The following PCDH15 variants were observed in gnomAD, a reference collection of about 807,000 sequenced individuals.
PCDH15 encodes the protein protocadherin related 15.
PCDH15 carries 129 observed loss-of-function variants against 178.5 expected under a neutral mutation model. That is an observed-to-expected ratio of 0.72 (90% CI 0.63 to 0.84). PCDH15 has a LOEUF of 0.84. PCDH15 is among the 40% of genes least tolerant of loss of function. PCDH15 has a pLI of 0.00. For missense variants in PCDH15, 2,230 were observed against 2,099.9 expected (o/e 1.06, Z -1.21); for synonymous variants, 800 against 732.0 (o/e 1.09, Z -1.50).
chr10:54,117,944 C>A (rs1031248040), intron 15 of PCDH15, among the ~76,000 whole-genome samples: 1 of 152,126 alleles, frequency 6.6e-6, no homozygotes, highest in East Asian at 1.9e-4. Flanking sequence ...AAAAGCAGCA[C>A]CCTAAATTCT....
chr10:54,875,928 T>A (rs1260257182), intron 3 of PCDH15, among the ~76,000 whole-genome samples: 1 of 152,078 alleles, frequency 6.6e-6, no homozygotes, highest in Non-Finnish European at 1.5e-5. Flanking sequence ...CTAAACAAAT[T>A]TTCAATGTAG....
chr10:54,539,172 A>C (rs2084914714), intron 2 of PCDH15, among the ~76,000 whole-genome samples: 1 of 152,146 alleles, frequency 6.6e-6, no homozygotes, highest in Non-Finnish European at 1.5e-5. Flanking sequence ...AGCCCTACTT[A>C]AAAGGCACAG....
At chr10:55,368,940 CA>C (rs1427271751) in intron 2 of PCDH15, among the ~76,000 whole-genome samples, 2 of 129,698 alleles carry the variant, frequency 1.5e-5, no homozygotes, top group Non-Finnish European at 3.2e-5. Flanking sequence ...TTATAATAAC[CA>C]AAGTGTCTTT....
At chr10:54,134,932 T>C (rs2042774309) in intron 14 of PCDH15, among the ~76,000 whole-genome samples, 1 of 151,406 alleles carries the variant, frequency 6.6e-6, no homozygotes, top group South Asian at 2.1e-4. Context: ...CATGGTTGGG[T>C]GCGGTGGCTC....
chr10:55,298,575 G>A (rs1843192919), intron 1 of PCDH15, among the ~76,000 whole-genome samples: 1 of 152,012 alleles, frequency 6.6e-6, no homozygotes, highest in Non-Finnish European at 1.5e-5. Flanking sequence ...CAACTGGATA[G>A]TGTCGACTTA....
At chr10:54,435,294 C>A (rs2075308448) in intron 3 of PCDH15, among the ~76,000 whole-genome samples, 1 of 152,134 alleles carries the variant, frequency 6.6e-6, no homozygotes, top group Non-Finnish European at 1.5e-5. Flanking sequence ...AATTTTCTCT[C>A]TCCACTTTTC....
chr10:55,273,562 A>G (rs1163799105), intron 1 of PCDH15, among the ~76,000 whole-genome samples: 1 of 152,068 alleles, frequency 6.6e-6, no homozygotes, highest in African/African-American at 2.4e-5. Context: ...TGTGTGACTG[A>G]TGTATGTTAA....
chr10:54,652,306 G>C (rs1408697781), intron 2 of PCDH15, among the ~76,000 whole-genome samples: 1 of 152,148 alleles, frequency 6.6e-6, no homozygotes, highest in African/African-American at 2.4e-5. Flanking sequence ...TGGAGTCTCA[G>C]AGGCTTGCAT....
At chr10:54,799,602 G>T (rs1178096553) in intron 1 of PCDH15, among the ~76,000 whole-genome samples, 1 of 152,042 alleles carries the variant, frequency 6.6e-6, no homozygotes, top group Non-Finnish European at 1.5e-5. Context: ...AATTTGGGGG[G>T]CAAAGTTGTA....
At chr10:55,316,561 C>T (rs1246320523) in intron 1 of PCDH15, among the ~76,000 whole-genome samples, 1 of 151,986 alleles carries the variant, frequency 6.6e-6, no homozygotes, top group Non-Finnish European at 1.5e-5. Flanking sequence ...GTTTCTACAA[C>T]TTTTCCTGAG....
intron 20 of PCDH15, among the ~76,000 whole-genome samples, chr10:53,999,691 C>T (rs1183254125): frequency 1.3e-5 from 2 of 152,130 alleles, no homozygotes; most frequent in Admixed American, 1.3e-4. Flanking sequence ...TGCTCAGCCA[C>T]AGTACACAAG....
chr10:53,991,194 C>T (rs374096048), intron 21 of PCDH15, among the ~76,000 whole-genome samples: 9 of 152,278 alleles, frequency 5.9e-5, no homozygotes, highest in South Asian at 2.1e-4. Flanking sequence ...CTGAGGAGAG[C>T]GGGCGCGCGG....
chr10:55,559,176 A>G (rs1842145867), intron 2 of PCDH15, among the ~76,000 whole-genome samples: 1 of 152,072 alleles, frequency 6.6e-6, no homozygotes, highest in Non-Finnish European at 1.5e-5. Context: ...ATGATCAGGT[A>G]GGACAAATAC....
At chr10:55,242,992 A>C (rs1841592877) in intron 1 of PCDH15, among the ~76,000 whole-genome samples, 1 of 152,354 alleles carries the variant, frequency 6.6e-6, no homozygotes, top group East Asian at 1.9e-4. Flanking sequence ...AAGTTTTAAC[A>C]GATATTTTTT....
intron 5 of PCDH15, among the ~76,000 whole-genome samples, chr10:54,367,152 A>G (rs778079226): frequency 1.0e-3 from 158 of 152,206 alleles, no homozygotes; most frequent in South Asian, 4.1e-3. Context: ...AGGCTAAGAA[A>G]GGGAGATATT....
chr10:54,301,640 C>T (rs572538292), intron 8 of PCDH15, among the ~76,000 whole-genome samples: 67 of 152,256 alleles, frequency 4.4e-4, no homozygotes, highest in African/African-American at 8.2e-4. Context: ...TAACTCTCTC[C>T]AGCCCCACTG....
chr10:54,995,411 G>GA (rs1194857240), intron 2 of PCDH15, among the ~76,000 whole-genome samples: 1 of 145,280 alleles, frequency 6.9e-6, no homozygotes, highest in African/African-American at 2.7e-5. Context: ...AAAAAAGAAG[G>GA]AAAAAAATTA....
intron 8 of PCDH15, among the ~76,000 whole-genome samples, chr10:54,312,770 A>G (rs904229974): frequency 2.0e-5 from 3 of 152,098 alleles, no homozygotes; most frequent in Non-Finnish European, 4.4e-5. Flanking sequence ...TGGAGCAAAG[A>G]TAAGATGTTT....
chr10:55,110,158 C>G (rs1386921163), intron 2 of PCDH15, among the ~76,000 whole-genome samples: 1 of 151,738 alleles, frequency 6.6e-6, no homozygotes, highest in East Asian at 1.9e-4. Flanking sequence ...TCTTAAAGAG[C>G]CAATAAGATG....
Sources: gnomAD v4.1 joint callset for allele counts (sites outside exome capture counted in the v4.1 genomes callset) on GRCh38, gnomAD v4.1.1 for gene constraint, MANE v1.5 for transcripts, NCBI Gene and HGNC (gene_info 2026-07-23, HGNC 2026-07-21) for gene names.